MVB12B: variants seen among roughly 807,000 people sequenced by gnomAD.
MVB12B encodes ESCRT-I complex subunit MVB12B.
A neutral mutation model predicts 41.6 loss-of-function variants in MVB12B; 16 were observed. The ratio of observed to expected loss-of-function variants is 0.38; its 90% CI spans 0.26 to 0.58. MVB12B has a LOEUF of 0.58. Ranked by LOEUF, MVB12B falls within the 20% of genes least tolerant of loss-of-function variation. MVB12B has a pLI of 0.62. For missense variants in MVB12B, 274 were observed against 380.2 expected (o/e 0.72, Z 2.32); for synonymous variants, 133 against 139.7 (o/e 0.95, Z 0.34).
At chr9:126,364,953 C>T (rs10760427) in intron 2 of MVB12B, among the ~76,000 whole-genome samples, 48,334 of 151,776 alleles carry the variant, frequency 0.32, 7,926 homozygotes, top group South Asian at 0.42. Context: ...GGGGTTTCAC[C>T]GCGTTAGCCA....
chr9:126,369,971 A>G (rs1369516984), intron 2 of MVB12B, among the ~76,000 whole-genome samples: 1 of 151,766 alleles, frequency 6.6e-6, no homozygotes, highest in African/African-American at 2.4e-5. Context: ...TTTTTTTCTT[A>G]GCATTGTTCT....
At chr9:126,439,874 A>G (rs1832587129) in intron 7 of MVB12B, among the ~76,000 whole-genome samples, 1 of 152,230 alleles carries the variant, frequency 6.6e-6, no homozygotes. Flanking sequence ...TCAAAATGCT[A>G]TCTAATGTCT....
rs185730207 is a variant in MVB12B at position 126,424,686 on chromosome 9, G to A, written c.757+2738G>A. 2.8e-4 allele frequency among the ~76,000 whole-genome samples: 43 copies of A among 152,348 alleles called. 1 individual carries two copies. The highest frequency in any genetic ancestry group is 2.2e-3 in the Admixed American group (34 of 15,308). On this transcript the variant is annotated intron_variant, in intron 7 of 9. Transcript: ENST00000361171. ...GCCAGCTGTTCTACACAGTCCAGTCGTATCTCTCTCTTGCCCACGGAAGTG... is the reference window on the plus strand; with the variant it reads ...GCCAGCTGTTCTACACAGTCCAGTCATATCTCTCTCTTGCCCACGGAAGTG...
In MVB12B at chr9:126,431,310, G is replaced by A. The variant is rs10987275; in HGVS notation, c.757+9362G>A. Among the ~76,000 whole-genome samples the A allele has an allele frequency of 3.3e-4, 51 of 152,276 alleles. No individual in the cohort carries two copies. The East Asian group carries it at 9.5e-3, about 28-fold the overall frequency. On this transcript the variant is annotated intron_variant, in intron 7 of 9. Transcript: ENST00000361171. ...CTATTTTCCGTGGCAAGCAGCCCAC[G>A]ATCCCTTTCTCAAGAAGGTGACAGA...
chr9:126,483,342 C>T (rs1441127836), intron 8 of MVB12B, among the ~76,000 whole-genome samples: 1 of 152,192 alleles, frequency 6.6e-6, no homozygotes, highest in African/African-American at 2.4e-5. Context: ...TTTTAAGTCT[C>T]CAATCTTCAT....
In MVB12B at chr9:126,392,182, T is replaced by C. The variant is rs746380516; in HGVS notation, c.526T>C (p.Tyr176His). 1 of 1,614,162 alleles carries C rather than the reference T, an allele frequency of 6.2e-7. No individual in the cohort carries two copies. The highest frequency in any genetic ancestry group is 8.5e-7 in the Non-Finnish European group (1 of 1,180,000). Residue 176 changes from tyrosine (Y) to histidine (H), a missense_variant, in exon 5 of 10, where the codon TAC becomes CAC. Coordinates refer to ENST00000361171, the MANE Select transcript of MVB12B (RefSeq NM_033446.3). This position sits in a 1 kb window ranked among gnomAD's most constrained non-coding sequence, Gnocchi z 4.8. ...MGRTKQAPPQ[Y>H]TFIGELNSMG... Reference sequence around the variant, plus strand: ...CCGGACCAAGCAGGCCCCGCCTCAGTACACGTTTATTGGGTGAGTCTTAAT... The same window carrying C: ...CCGGACCAAGCAGGCCCCGCCTCAGCACACGTTTATTGGGTGAGTCTTAAT...
chr9:126,392,341 T>G lies in MVB12B; in HGVS notation c.539+146T>G. On this transcript the variant is annotated intron_variant, in intron 5 of 9. Transcript: ENST00000361171. The surrounding 1 kb of genome is among the most constrained non-coding windows in gnomAD (Gnocchi z 4.8). ...GTCAGCCCAGTGCTCCTCGCTGCCC[T>G]TCCTGCTCAGCTGCGGTCTCTCTGA... 1 of 945,012 alleles carries G rather than the reference T, an allele frequency of 1.1e-6. No individual in the cohort carries two copies. Among genetic ancestry groups the G allele is most frequent in the South Asian group, 1.6e-5 (1 of 61,752 alleles). 58.5% of individuals were successfully genotyped at this position (945,012 alleles called of 1,614,324 possible).
At position 126,395,961 on chromosome 9, in the gene MVB12B, CTATTCAAAAGAGCTGCT is replaced by C. The variant is rs1191040549; in HGVS notation, c.662+265_662+281del. 3.9e-6 allele frequency: 5 copies of C among 1,280,570 alleles called. No homozygotes were observed. In the African/African-American group the frequency reaches 7.5e-5, roughly 19 times the overall value. 79.3% of individuals were successfully genotyped at this position (1,280,570 alleles called of 1,614,324 possible). ...GATTATGCAACTTAAAATTGGCTCC[CTATTCAAAAGAGCTGCT>C]AGCTACACACAGACACGTGCTGTAT... On this transcript the variant is annotated intron_variant, in intron 6 of 9. Coordinates refer to ENST00000361171, the MANE Select transcript of MVB12B (RefSeq NM_033446.3). The surrounding 1 kb of genome is among the most constrained non-coding windows in gnomAD (Gnocchi z 4.9).
At chr9:126,428,217 T>G (rs900582858) in intron 7 of MVB12B, among the ~76,000 whole-genome samples, 3 of 152,134 alleles carry the variant, frequency 2.0e-5, no homozygotes, top group African/African-American at 7.2e-5. Context: ...ACAAAGCAAT[T>G]AAAAATAATT....
intron 6 of MVB12B, among the ~76,000 whole-genome samples, chr9:126,405,610 A>C (rs963530472): frequency 5.9e-5 from 9 of 151,910 alleles, no homozygotes; most frequent in Non-Finnish European, 1.0e-4. Flanking sequence ...CCAGGATTTT[A>C]CTACCACCCC....
chr9:126,472,479 A>AC (rs1294197978), intron 7 of MVB12B, among the ~76,000 whole-genome samples: 2 of 150,992 alleles, frequency 1.3e-5, no homozygotes, highest in Non-Finnish European at 3.0e-5. Flanking sequence ...CAAAAAAAAA[A>AC]AAAACCCACC....
At chr9:126,335,295 C>A (rs919241890) in intron 1 of MVB12B, 11 of 1,293,410 alleles carry the variant, frequency 8.5e-6, no homozygotes, top group Non-Finnish European at 1.1e-5. Context: ...TGAGGCTCCA[C>A]AGTGACAGCC....
At chr9:126,449,887 C>T (rs1466507141) in intron 7 of MVB12B, among the ~76,000 whole-genome samples, 2 of 152,224 alleles carry the variant, frequency 1.3e-5, no homozygotes, top group African/African-American at 4.8e-5. Context: ...AACCGAGATT[C>T]AGAGAGGTTA....
At chr9:126,400,495 C>T (rs529759119) in intron 6 of MVB12B, among the ~76,000 whole-genome samples, 3 of 152,144 alleles carry the variant, frequency 2.0e-5, no homozygotes, top group Admixed American at 2.0e-4. Context: ...TTTCTTAAGC[C>T]GTATTTAAGG....
At chr9:126,371,112 A>G (rs1409497373) in intron 2 of MVB12B, among the ~76,000 whole-genome samples, 1 of 152,198 alleles carries the variant, frequency 6.6e-6, no homozygotes, top group Non-Finnish European at 1.5e-5. Flanking sequence ...CTGATGCGTC[A>G]CTGGCAGTGC....
chr9:126,334,022 A>T (rs1439380321), intron 1 of MVB12B, among the ~76,000 whole-genome samples: 2 of 152,200 alleles, frequency 1.3e-5, no homozygotes, highest in Non-Finnish European at 2.9e-5. Flanking sequence ...CTGCATCAGT[A>T]TCTCAGGGGG....
intron 2 of MVB12B, among the ~76,000 whole-genome samples, chr9:126,378,595 G>GTC (rs550976810): frequency 0.013 from 1,967 of 151,404 alleles, 48 homozygotes; most frequent in African/African-American, 0.046. Flanking sequence ...GGTTAGGGGA[G>GTC]TCTCTCTCTC....
chr9:126,331,759 C>T (rs1829137336), intron 1 of MVB12B, among the ~76,000 whole-genome samples: 1 of 152,212 alleles, frequency 6.6e-6, no homozygotes, highest in Admixed American at 6.5e-5. Context: ...CCTTGGACTC[C>T]AAAGGGGGCA....
chr9:126,340,710 C>T lies in MVB12B; in HGVS notation c.204+80C>T, dbSNP rs1829422719. ...CTCCTGTGTCCAAGACCTTCTGGCC[C>T]TTGCGTGTAAGATGTGCTTCTTCCC... On this transcript the variant is annotated intron_variant, in intron 2 of 9. Coordinates refer to ENST00000361171, the MANE Select transcript of MVB12B (RefSeq NM_033446.3). The surrounding 1 kb of genome is among the most constrained non-coding windows in gnomAD (Gnocchi z 4.0). The T allele has an allele frequency of 2.6e-6, 4 of 1,527,974 alleles. No individual in the cohort carries two copies. The highest frequency in any genetic ancestry group is 3.6e-6 in the Non-Finnish European group (4 of 1,114,972). The allele number at this position is 1,527,974 out of a possible 1,614,324, so 94.7% of individuals were successfully genotyped here.
Sources: gnomAD v4.1 joint callset for allele counts (sites outside exome capture counted in the v4.1 genomes callset) on GRCh38, gnomAD v4.1.1 for gene constraint, Gnocchi (gnomAD v3.1) non-coding constraint, MANE v1.5 for transcripts, NCBI Gene and HGNC (gene_info 2026-07-23, HGNC 2026-07-21) for gene names.